The following ACTR3C variants were observed in gnomAD, a reference collection of about 807,000 sequenced individuals.
The protein encoded by ACTR3C is actin related protein 3C.
ACTR3C carries 18 observed loss-of-function variants against 26.3 expected under a neutral mutation model. The observed-to-expected ratio is 0.68, with a 90% confidence interval of 0.47 to 1.01. The LOEUF (loss-of-function observed/expected upper bound fraction) is 1.01, where lower values mean the gene tolerates loss of function less well. ACTR3C is among the 50% of genes least tolerant of loss of function. The pLI, the probability that ACTR3C is intolerant of heterozygous loss-of-function variation, is 0.00. For synonymous variants in ACTR3C, 55 were observed against 94.5 expected (o/e 0.58, Z 2.42); for missense variants, 184 against 250.7 (o/e 0.73, Z 1.80).
chr7:149,992,597 G>A, the ACTR3C span, among the ~76,000 whole-genome samples: 2 of 152,170 alleles, frequency 1.3e-5, no homozygotes, highest in East Asian at 1.9e-4. Context: ...TACAGGTGAC[G>A]CATCTCCACG....
the ACTR3C span, among the ~76,000 whole-genome samples, chr7:150,186,678 T>C: frequency 6.6e-6 from 1 of 152,166 alleles, no homozygotes; most frequent in Non-Finnish European, 1.5e-5. Context: ...CTCTCGCCAA[T>C]CACAATACTT....
the ACTR3C span, among the ~76,000 whole-genome samples, chr7:149,966,871 G>C: frequency 2.0e-5 from 3 of 149,354 alleles, no homozygotes; most frequent in African/African-American, 7.4e-5. Context: ...TTTTTTTTGT[G>C]TGTGTGGGGG....
At chr7:150,141,604 G>A in the ACTR3C span, among the ~76,000 whole-genome samples, 1 of 151,888 alleles carries the variant, frequency 6.6e-6, no homozygotes, top group Admixed American at 6.6e-5. Flanking sequence ...GGATGGGAAC[G>A]GAGAGGAGGC....
chr7:149,941,248 C>G, the ACTR3C span, among the ~76,000 whole-genome samples: 35,572 of 151,866 alleles, frequency 0.23, 6,516 homozygotes, highest in African/African-American at 0.52. Flanking sequence ...TCACTGCAAT[C>G]ATGATTACGT....
At chr7:150,079,033 C>T in the ACTR3C span, among the ~76,000 whole-genome samples, 1 of 152,292 alleles carries the variant, frequency 6.6e-6, no homozygotes, top group African/African-American at 2.4e-5. Context: ...CGTGAGCCTT[C>T]ATCCCCACAT....
At chr7:149,946,323 C>A in the ACTR3C span, among the ~76,000 whole-genome samples, 1 of 152,224 alleles carries the variant, frequency 6.6e-6, no homozygotes, top group Admixed American at 6.5e-5. Flanking sequence ...GGAGACTTGG[C>A]AAATATGAGC....
chr7:150,173,540 T>G, the ACTR3C span, among the ~76,000 whole-genome samples: 1 of 149,378 alleles, frequency 6.7e-6, no homozygotes, highest in Non-Finnish European at 1.5e-5. Flanking sequence ...GGACCTGTGA[T>G]GAGAGGGGCT....
At chr7:150,277,509 C>A (rs1224736561) in intron 6 of ACTR3C, among the ~76,000 whole-genome samples, 2 of 152,128 alleles carry the variant, frequency 1.3e-5, no homozygotes, top group Non-Finnish European at 2.9e-5. Context: ...TGTGAGCACA[C>A]CTTTGGTCCT....
downstream of ACTR3C, among the ~76,000 whole-genome samples, chr7:150,239,692 T>C (rs1016183281): frequency 6.7e-6 from 1 of 149,468 alleles, no homozygotes; most frequent in African/African-American, 2.5e-5. Flanking sequence ...TAATGATTCT[T>C]CAATTACATT....
chr7:150,041,929 G>A, the ACTR3C span, among the ~76,000 whole-genome samples: 20 of 148,186 alleles, frequency 1.3e-4, no homozygotes, highest in Non-Finnish European at 2.5e-4. Flanking sequence ...AAGAGGGTCT[G>A]GCTCTCAGTA....
At chr7:150,035,558 G>T in the ACTR3C span, among the ~76,000 whole-genome samples, 23,954 of 57,312 alleles carry the variant, frequency 0.42, 3,189 homozygotes, top group South Asian at 0.53. Context: ...ATGGGGGTCC[G>T]CAGAGCCGGG....
chr7:150,012,532 G>T, the ACTR3C span, among the ~76,000 whole-genome samples: 1 of 150,454 alleles, frequency 6.6e-6, no homozygotes, highest in Non-Finnish European at 1.5e-5. Context: ...AGCCAGGATG[G>T]TCTCGATCTC....
chr7:150,169,223 TA>T, the ACTR3C span, among the ~76,000 whole-genome samples: 1 of 149,148 alleles, frequency 6.7e-6, no homozygotes, highest in East Asian at 1.9e-4. Context: ...CTACCAAAAA[TA>T]CAAAAAAAGT....
At chr7:150,020,409 G>A in the ACTR3C span, among the ~76,000 whole-genome samples, 1 of 152,002 alleles carries the variant, frequency 6.6e-6, no homozygotes, top group Non-Finnish European at 1.5e-5. Context: ...GACCTATTTC[G>A]GTTTCTGTTT....
the ACTR3C span, among the ~76,000 whole-genome samples, chr7:149,940,332 A>G: frequency 7.4e-3 from 1,131 of 152,074 alleles, 11 homozygotes; most frequent in African/African-American, 0.026. Flanking sequence ...TTTACTTTCT[A>G]TGAAGATTAT....
the ACTR3C span, among the ~76,000 whole-genome samples, chr7:150,233,016 A>C: frequency 6.6e-6 from 1 of 152,272 alleles, no homozygotes; most frequent in African/African-American, 2.4e-5. Flanking sequence ...TAAGAAAAGA[A>C]AAAAAGATTT....
chr7:149,994,697 T>G, the ACTR3C span, among the ~76,000 whole-genome samples: 1 of 152,124 alleles, frequency 6.6e-6, no homozygotes, highest in Non-Finnish European at 1.5e-5. Flanking sequence ...CCTGACAATC[T>G]GTGAGTGTGA....
chr7:149,981,622 G>A, the ACTR3C span, among the ~76,000 whole-genome samples: 581 of 150,638 alleles, frequency 3.9e-3, 4 homozygotes, highest in African/African-American at 0.013. Context: ...TGGCAGAAGG[G>A]GGGGACAGCA....
the ACTR3C span, among the ~76,000 whole-genome samples, chr7:149,956,249 T>C: frequency 6.6e-6 from 1 of 152,282 alleles, no homozygotes; most frequent in Admixed American, 6.5e-5. Flanking sequence ...ATAAGCTGAA[T>C]CCTCCTTGTA....
Sources: gnomAD v4.1 joint callset for allele counts (sites outside exome capture counted in the v4.1 genomes callset) on GRCh38, gnomAD v4.1.1 for gene constraint, MANE v1.5 for transcripts, NCBI Gene and HGNC (gene_info 2026-07-23, HGNC 2026-07-21) for gene names.